USH2A: variants seen among roughly 807,000 people sequenced by gnomAD.
USH2A encodes usherin.
Under a neutral mutation model 538.9 loss-of-function variants are expected in USH2A, and 443 were observed. The observed-to-expected ratio is 0.82, with a 90% CI of 0.76 to 0.89. The LOEUF (loss-of-function observed/expected upper bound fraction) is 0.89. Among genes scored for constraint, USH2A ranks in the 40% least tolerant of loss-of-function variants. USH2A has a pLI of 0.00. For synonymous variants in USH2A, 2,413 were observed against 2,273.5 expected (o/e 1.06, Z -1.75); for missense variants, 6,633 against 6,324.8 (o/e 1.05, Z -1.65).
At chr1:216,009,051 C>A (rs181394980) in intron 32 of USH2A, among the ~76,000 whole-genome samples, 87 of 152,138 alleles carry the variant, frequency 5.7e-4, no homozygotes, top group Admixed American at 6.5e-4. Context: ...ATCTCTGTGC[C>A]CCAATACCTT....
chr1:216,377,353 A>C (rs1399343456), intron 3 of USH2A, among the ~76,000 whole-genome samples: 2 of 152,178 alleles, frequency 1.3e-5, no homozygotes. Context: ...ATTTGTTTGC[A>C]CCAAAAAAGA....
chr1:216,148,405 G>T (rs2033757801), intron 21 of USH2A, among the ~76,000 whole-genome samples: 1 of 151,892 alleles, frequency 6.6e-6, no homozygotes, highest in Non-Finnish European at 1.5e-5. Context: ...AGCCTCCTTT[G>T]CATCCTCCTC....
chr1:216,419,040 C>T (rs978768777), intron 2 of USH2A, among the ~76,000 whole-genome samples: 4 of 152,092 alleles, frequency 2.6e-5, no homozygotes, highest in African/African-American at 4.8e-5. Context: ...CAACACACTA[C>T]AGGCCGCTTG....
intron 9 of USH2A, among the ~76,000 whole-genome samples, chr1:216,299,216 G>T (rs1386795352): frequency 6.6e-6 from 1 of 150,708 alleles, no homozygotes; most frequent in African/African-American, 2.4e-5. Context: ...CTGAAGAGAA[G>T]GAAACAAATT....
chr1:216,394,709 A>C (rs955700204), intron 3 of USH2A, among the ~76,000 whole-genome samples: 2 of 110,550 alleles, frequency 1.8e-5, no homozygotes, highest in African/African-American at 6.0e-5. Context: ...AGGCCTAATA[A>C]CTGGTCCAGT....
intron 21 of USH2A, among the ~76,000 whole-genome samples, chr1:216,156,904 T>C (rs2033956916): frequency 6.6e-6 from 1 of 151,976 alleles, no homozygotes; most frequent in Admixed American, 6.6e-5. Context: ...AGACGGAGTT[T>C]TGCTCTGTTG....
In USH2A at chr1:215,625,292, T is replaced by G; in HGVS notation, c.*489A>C. 1 of 179,060 alleles carries G rather than the reference T, an allele frequency of 5.6e-6. No individual in the cohort carries two copies. The highest frequency in any genetic ancestry group is 1.3e-4 in the South Asian group (1 of 7,890). 11.1% of individuals were successfully genotyped at this position (179,060 alleles called of 1,614,324 possible). A position where few individuals can be genotyped will look rare whatever the true frequency, so the allele number is the denominator to read the frequency against. On this transcript the variant is annotated 3_prime_UTR_variant, in exon 72 of 72. Coordinates refer to ENST00000307340, the MANE Select transcript of USH2A (RefSeq NM_206933.4). ...AAGTTTGTCGACCTGGTGCAAAGTT[T>G]GGGATTCATTTAGCAGCTGTGATCA...
chr1:215,962,450 C>T (rs905977791), intron 37 of USH2A, among the ~76,000 whole-genome samples: 2 of 151,998 alleles, frequency 1.3e-5, no homozygotes, highest in Non-Finnish European at 2.9e-5. Flanking sequence ...ATGGTATGCT[C>T]TAACCCGTTG....
chr1:215,732,536 TTTTC>T (rs1237666944), intron 60 of USH2A, among the ~76,000 whole-genome samples: 1 of 136,912 alleles, frequency 7.3e-6, no homozygotes, highest in African/African-American at 2.6e-5. Flanking sequence ...TATTCTCCTT[TTTTC>T]TTTCTTTTTT....
chr1:216,255,273 A>T (rs1008125061), intron 11 of USH2A, among the ~76,000 whole-genome samples: 3 of 152,184 alleles, frequency 2.0e-5, no homozygotes, highest in African/African-American at 4.8e-5. Context: ...AGCTTTCATT[A>T]GCCTGGCTTG....
intron 21 of USH2A, among the ~76,000 whole-genome samples, chr1:216,163,625 G>T (rs1321212390): frequency 8.0e-6 from 1 of 125,748 alleles, no homozygotes; most frequent in Non-Finnish European, 1.6e-5. Flanking sequence ...AATATTTTTG[G>T]TAAAAAAATA....
intron 11 of USH2A, among the ~76,000 whole-genome samples, chr1:216,288,487 ATTATGTTCACAATATAACTTT>A (rs1205238712): frequency 1.3e-5 from 2 of 152,164 alleles, no homozygotes; most frequent in African/African-American, 4.8e-5. Context: ...TCTTGTGTGT[ATTATGTTCACAATATAACTTT>A]TTAACAAATA....
chr1:216,279,327 G>C (rs1333284834), intron 11 of USH2A, among the ~76,000 whole-genome samples: 1 of 152,044 alleles, frequency 6.6e-6, no homozygotes, highest in African/African-American at 2.4e-5. Flanking sequence ...ACTTAATTTG[G>C]ATGACTTGGA....
intron 56 of USH2A, among the ~76,000 whole-genome samples, chr1:215,765,047 T>G (rs1248607302): frequency 6.6e-6 from 1 of 152,112 alleles, no homozygotes; most frequent in African/African-American, 2.4e-5. Context: ...CTACAATTTT[T>G]AAGTCATAAA....
chr1:215,998,153 AAG>A (rs532684732), intron 34 of USH2A, among the ~76,000 whole-genome samples: 7 of 152,152 alleles, frequency 4.6e-5, no homozygotes, highest in Non-Finnish European at 1.0e-4. Flanking sequence ...CTATAAAATG[AAG>A]AGTGTGTTTA....
At chr1:215,660,302 TAAC>T (rs1657401509) in intron 64 of USH2A, among the ~76,000 whole-genome samples, 1 of 152,182 alleles carries the variant, frequency 6.6e-6, no homozygotes, top group African/African-American at 2.4e-5. Flanking sequence ...ATGCAGTTCT[TAAC>T]ACAGCCCTTA....
chr1:215,759,757 C>A lies in USH2A; in HGVS notation c.11134G>T (p.Val3712Phe). Residue 3712 changes from valine (V) to phenylalanine (F), a missense_variant, in exon 57 of 72, where the codon GTT becomes TTT. Coordinates refer to ENST00000307340, the MANE Select transcript of USH2A (RefSeq NM_206933.4). The part of the protein sequence containing the change: ...WSLPEKPNGL[V>F]SQYQLSRNGN... Reference sequence around the variant, plus strand: ...TTACGACTCAATTGATATTGAGAAACGAGGCCATTGGGCTTTTCTGGCAGA... The same window carrying A: ...TTACGACTCAATTGATATTGAGAAAAGAGGCCATTGGGCTTTTCTGGCAGA... 1.2e-6 allele frequency: 2 copies of A among 1,614,030 alleles called. No individual in the cohort carries two copies. Among genetic ancestry groups the A allele is most frequent in the Non-Finnish European group, 1.7e-6 (2 of 1,179,964 alleles).
At chr1:215,769,647 T>G (rs1421665818) in intron 55 of USH2A, among the ~76,000 whole-genome samples, 1 of 152,066 alleles carries the variant, frequency 6.6e-6, no homozygotes, top group Non-Finnish European at 1.5e-5. Flanking sequence ...TGGGATAGGT[T>G]CACCTAGCAG....
intron 32 of USH2A, among the ~76,000 whole-genome samples, chr1:216,044,118 G>A (rs970282620): frequency 1.3e-5 from 2 of 151,988 alleles, no homozygotes; most frequent in Non-Finnish European, 2.9e-5. Flanking sequence ...GATCATTATG[G>A]TTCAGCAGGG....
Sources: allele counts gnomAD v4.1 joint callset (sites outside exome capture counted in the v4.1 genomes callset), GRCh38; gene constraint gnomAD v4.1.1; transcripts MANE v1.5; gene names NCBI Gene and HGNC (gene_info 2026-07-23, HGNC 2026-07-21).